SYNJ2: variants seen among roughly 807,000 people sequenced by gnomAD.
The protein encoded by SYNJ2 is polyphosphatidylinositol phosphatase SYNJ2.
Under a neutral mutation model 141.3 loss-of-function variants are expected in SYNJ2, and 116 were observed. The observed-to-expected ratio is 0.82, with a 90% CI of 0.71 to 0.96. The LOEUF (loss-of-function observed/expected upper bound fraction) is 0.96. Ranked by LOEUF, SYNJ2 falls within the 40% of genes least tolerant of loss-of-function variation. The probability of loss-of-function intolerance (pLI) is 0.00; values close to 1 mark genes in which losing one functional copy is unlikely to be tolerated. For missense variants in SYNJ2, 1,873 were observed against 1,934.8 expected, an observed-to-expected ratio of 0.97 and a Z score of 0.60; for synonymous variants, 745 against 777.7, an observed-to-expected ratio of 0.96 and a Z score of 0.70.
chr6:158,080,123 T>C (rs990138826), intron 18 of SYNJ2, among the ~76,000 whole-genome samples: 1 of 152,228 alleles, frequency 6.6e-6, no homozygotes, highest in South Asian at 2.1e-4. Context: ...TTTTACATTA[T>C]TCCTAATGAT....
chr6:157,982,094 T>C lies in SYNJ2; in HGVS notation c.127+6T>C. On this transcript the variant is annotated splice_donor_region_variant and intron_variant, in intron 1 of 26. Transcript: ENST00000355585. This position sits in a 1 kb window ranked among gnomAD's most constrained non-coding sequence, Gnocchi z 4.0. Reference sequence around the variant, plus strand: ...CGGCACGGTGGCCACGCTGGGTGAGTCCGGGCCGGGGGCAGCGACGCCCGG... The same window carrying C: ...CGGCACGGTGGCCACGCTGGGTGAGCCCGGGCCGGGGGCAGCGACGCCCGG... 7.6e-7 allele frequency: 1 copy of C among 1,322,228 alleles called. No individual in the cohort carries two copies. The highest frequency in any genetic ancestry group is 2.8e-4 in the Middle Eastern group (1 of 3,562). 81.9% of individuals were successfully genotyped at this position (1,322,228 alleles called of 1,614,324 possible). A position where few individuals can be genotyped will look rare whatever the true frequency, so the allele number is the denominator to read the frequency against.
intron 3 of SYNJ2, among the ~76,000 whole-genome samples, chr6:158,033,135 G>A (rs1368649736): frequency 2.6e-5 from 4 of 152,314 alleles, no homozygotes; most frequent in East Asian, 1.9e-4. Flanking sequence ...GCGATTCCCC[G>A]AAAAGTGCAC....
intron 1 of SYNJ2, among the ~76,000 whole-genome samples, chr6:157,992,839 A>G (rs958095625): frequency 6.6e-6 from 1 of 152,164 alleles, no homozygotes; most frequent in African/African-American, 2.4e-5. Context: ...TTATCCATTC[A>G]TCTGTTGGTG....
Position 158,028,966 on chromosome 6 carries a change from TGACTGTCCGCACGCA to T in SYNJ2, c.428_442del (p.Thr143_Gln147del), listed in dbSNP as rs1779208760. ...CCAAACGATGGGTCTCGCTTTGACC[TGACTGTCCGCACGCA>T]GAAGCAGGGGGATGACAGCTCTGAA... On this transcript the variant is annotated inframe_deletion, in exon 3 of 27. Transcript: ENST00000355585. 4 of 1,613,976 alleles carry T rather than the reference TGACTGTCCGCACGCA, an allele frequency of 2.5e-6. No homozygotes were observed. The highest frequency in any genetic ancestry group is 1.6e-4 in the Middle Eastern group (1 of 6,062).
chr6:158,008,785 G>A (rs1241003185), intron 1 of SYNJ2, among the ~76,000 whole-genome samples: 4 of 152,170 alleles, frequency 2.6e-5, no homozygotes, highest in Admixed American at 1.3e-4. Context: ...CCCAGGTGGC[G>A]CTAGCACCTC....
intron 5 of SYNJ2, among the ~76,000 whole-genome samples, chr6:158,046,249 A>C (rs12665142): frequency 0.14 from 21,080 of 152,128 alleles, 1,794 homozygotes; most frequent in South Asian, 0.25. Flanking sequence ...CCCGGCCTCC[A>C]TGGTTTCTTC....
intron 6 of SYNJ2, 102 bp downstream of exon 6, chr6:158,055,130 T>G: frequency 8.2e-7 from 1 of 1,226,790 alleles, no homozygotes; most frequent in Non-Finnish European, 1.2e-6. Context: ...GGGAGGACCC[T>G]GAACCCTGAA....
At position 158,068,735 on chromosome 6, in the gene SYNJ2, G is replaced by A; in HGVS notation, c.1799+7G>A. On this transcript the variant is annotated splice_region_variant and intron_variant, in intron 13 of 26. Transcript: ENST00000355585. The stretch of plus-strand genomic sequence containing the variant: ...GGAATATTGTCAATGCCAGGTAAGG[G>A]GCCAGGTGTGCGGGGCCAGGCAGGG... 1 of 1,614,016 alleles carries A rather than the reference G, an allele frequency of 6.2e-7. No individual in the cohort carries two copies. The highest frequency in any genetic ancestry group is 1.1e-5 in the South Asian group (1 of 91,066).
intron 1 of SYNJ2, among the ~76,000 whole-genome samples, chr6:158,011,416 A>G (rs1473897722): frequency 6.6e-6 from 1 of 152,104 alleles, no homozygotes; most frequent in Admixed American, 6.5e-5. Context: ...ACATCTTCTC[A>G]TGATGTTCCT....
chr6:158,015,424 G>A (rs1032807241), intron 1 of SYNJ2, among the ~76,000 whole-genome samples: 1 of 152,192 alleles, frequency 6.6e-6, no homozygotes, highest in African/African-American at 2.4e-5. Flanking sequence ...AGCTCCTTAA[G>A]GGCTCTGTGC....
At chr6:158,009,496 G>A (rs188587596) in intron 1 of SYNJ2, among the ~76,000 whole-genome samples, 78 of 152,310 alleles carry the variant, frequency 5.1e-4, no homozygotes, top group Non-Finnish European at 7.5e-4. Flanking sequence ...CAGAGCCGGC[G>A]GCTAAAAATC....
chr6:157,992,528 G>C (rs1777487562), intron 1 of SYNJ2, among the ~76,000 whole-genome samples: 1 of 150,532 alleles, frequency 6.6e-6, no homozygotes, highest in Non-Finnish European at 1.5e-5. Context: ...CTCCCAAGTA[G>C]CTGGGATTAC....
intron 2 of SYNJ2, chr6:158,026,940 G>A (rs1479760924): frequency 1.0e-6 from 1 of 985,292 alleles, no homozygotes; most frequent in Admixed American, 6.1e-5. Context: ...CCCTGTCCCT[G>A]TCCCCAGTGT....
At chr6:158,045,379 G>A (rs1780183318) in intron 5 of SYNJ2, among the ~76,000 whole-genome samples, 1 of 152,054 alleles carries the variant, frequency 6.6e-6, no homozygotes, top group African/African-American at 2.4e-5. Context: ...CAAAGTGCTG[G>A]GATTACAGGC....
chr6:158,031,974 CAT>C (rs1432925433), intron 3 of SYNJ2, among the ~76,000 whole-genome samples: 2 of 152,184 alleles, frequency 1.3e-5, no homozygotes, highest in Non-Finnish European at 2.9e-5. Flanking sequence ...ATGCAGATTT[CAT>C]ATATGTGTTT....
At chr6:158,046,823 G>A (rs2128347918) in intron 5 of SYNJ2, among the ~76,000 whole-genome samples, 1 of 152,274 alleles carries the variant, frequency 6.6e-6, no homozygotes, top group East Asian at 1.9e-4. Flanking sequence ...GGTCTAGCTA[G>A]TTCGAGAATC....
At position 158,074,574 on chromosome 6, in the gene SYNJ2, A is replaced by G; in HGVS notation, c.2134-6A>G. On this transcript the variant is annotated splice_polypyrimidine_tract_variant and splice_region_variant and intron_variant, in intron 15 of 26. Transcript: ENST00000355585. Reference sequence around the variant, plus strand: ...CTGAATGATTATGATTTTCTTTTCAACTTAGGGGAGAAATGTTTTTTCTCA... The same window carrying G: ...CTGAATGATTATGATTTTCTTTTCAGCTTAGGGGAGAAATGTTTTTTCTCA... 6.2e-7 allele frequency: 1 copy of G among 1,610,544 alleles called. No individual in the cohort carries two copies. Among genetic ancestry groups the G allele is most frequent in the Non-Finnish European group, 8.5e-7 (1 of 1,178,656 alleles).
chr6:157,997,036 C>T (rs59755802), intron 1 of SYNJ2, among the ~76,000 whole-genome samples: 3 of 145,920 alleles, frequency 2.1e-5, no homozygotes, highest in South Asian at 2.3e-4. Context: ...CACCCCCCCC[C>T]ACCCAGCTTC....
rs1248860774 is a variant in SYNJ2 at position 158,092,494 on chromosome 6, G to T, written c.3566-432G>T. Reference sequence around the variant, plus strand: ...TCTCTCTACAAAAATTTTAAAATTAGCTGGGCGTGGTGGTTCACACCAGTA... The same window carrying T: ...TCTCTCTACAAAAATTTTAAAATTATCTGGGCGTGGTGGTTCACACCAGTA... On this transcript the variant is annotated intron_variant, in intron 25 of 26. Transcript: ENST00000355585. 3.3e-5 allele frequency among the ~76,000 whole-genome samples: 5 copies of T among 152,338 alleles called. No homozygotes were observed. In the South Asian group the frequency reaches 8.3e-4, roughly 25 times the overall value.
Sources: allele counts gnomAD v4.1 joint callset (sites outside exome capture counted in the v4.1 genomes callset), GRCh38; gene constraint gnomAD v4.1.1; non-coding constraint Gnocchi (gnomAD v3.1); transcripts MANE v1.5; gene names NCBI Gene and HGNC (gene_info 2026-07-23, HGNC 2026-07-21).